FNIP2: variants seen among roughly 807,000 people sequenced by gnomAD.
The protein encoded by FNIP2 is folliculin-interacting protein 2.
Under a neutral mutation model 108.7 loss-of-function variants are expected in FNIP2, and 32 were observed. That is an observed-to-expected ratio of 0.29 (90% CI 0.22 to 0.40). FNIP2 has a LOEUF of 0.40. FNIP2 is among the 10% of genes least tolerant of loss of function. The probability of loss-of-function intolerance (pLI) is 1.00; values close to 1 mark genes in which losing one functional copy is unlikely to be tolerated. For missense variants in FNIP2, 1,202 were observed against 1,381.6 expected, an observed-to-expected ratio of 0.87 and a Z score of 2.06; for synonymous variants, 480 against 496.7, an observed-to-expected ratio of 0.97 and a Z score of 0.45.
chr4:158,770,947 C>T (rs1578806589), intron 1 of FNIP2, among the ~76,000 whole-genome samples: 1 of 152,246 alleles, frequency 6.6e-6, no homozygotes, highest in African/African-American at 2.4e-5. Flanking sequence ...ACCACCATTT[C>T]CGCTATCCAC....
In FNIP2 at chr4:158,827,829, C is replaced by T. The variant is rs556874466; in HGVS notation, c.235-1250C>T. On this transcript the variant is annotated intron_variant, in intron 2 of 16. Transcript: ENST00000264433. ...TTCTTTTCCCATTTTCAGTCCCCACCGCCCCAGCCTCCCTTGGCAAGCACA... is the reference window on the plus strand; with the variant it reads ...TTCTTTTCCCATTTTCAGTCCCCACTGCCCCAGCCTCCCTTGGCAAGCACA... Among the ~76,000 whole-genome samples, 6 of 152,208 alleles carry T rather than the reference C, an allele frequency of 3.9e-5. No individual in the cohort carries two copies. In the South Asian group the frequency reaches 8.3e-4, roughly 21 times the overall value.
chr4:158,796,930 G>A (rs1047789885), intron 1 of FNIP2, among the ~76,000 whole-genome samples: 3 of 152,068 alleles, frequency 2.0e-5, no homozygotes, highest in South Asian at 2.1e-4. Flanking sequence ...GTGACTACGC[G>A]CTGGTGGCTG....
chr4:158,885,633 T>C (rs1012673190), intron 14 of FNIP2, among the ~76,000 whole-genome samples: 2 of 152,156 alleles, frequency 1.3e-5, no homozygotes, highest in African/African-American at 4.8e-5. Flanking sequence ...ACCTAATGTG[T>C]TGGGTTCTAT....
At chr4:158,807,934 ACTAT>A (rs557288499) in intron 1 of FNIP2, among the ~76,000 whole-genome samples, 33 of 152,320 alleles carry the variant, frequency 2.2e-4, no homozygotes, top group African/African-American at 7.7e-4. Flanking sequence ...TCACTTTTAT[ACTAT>A]CTGTTTTTAT....
At position 158,826,016 on chromosome 4, in the gene FNIP2, C is replaced by A; in HGVS notation, c.208C>A (p.Gln70Lys). The change falls in exon 2 of 17, where the codon CAA becomes AAA. Residue 70 changes from glutamine (Q) to lysine (K), a missense_variant. Gln to Lys is a moderately conservative substitution (Grantham distance 53). Coordinates refer to ENST00000264433, the MANE Select transcript of FNIP2 (RefSeq NM_020840.3). ...AGTCTTGTTTGACTCTAAAGCTGTT[C>A]AAAAGATTGAGGAGGTGACAGCTCA... ...RQVLFDSKAV[Q>K]KIEEVTAQKT... 3 of 1,608,050 alleles carry A rather than the reference C, an allele frequency of 1.9e-6. No individual in the cohort carries two copies. The South Asian group carries it at 3.3e-5, about 18-fold the overall frequency.
At chr4:158,834,386 G>T (rs1778679045) in intron 6 of FNIP2, 1 of 128,070 alleles carries the variant, frequency 7.8e-6, no homozygotes, top group African/African-American at 3.0e-5. Context: ...TAGTCATCTT[G>T]GTGTCTCTGA....
intron 1 of FNIP2, among the ~76,000 whole-genome samples, chr4:158,785,087 C>CTTT (rs397805773): frequency 5.7e-5 from 7 of 123,176 alleles, no homozygotes; most frequent in South Asian, 2.6e-4. Flanking sequence ...TAAAGTTCCT[C>CTTT]TTTTTTTTTT....
Position 158,907,135 on chromosome 4 carries a change from T to C in FNIP2, c.*2591T>C, listed in dbSNP as rs1207966096. 1 of 152,234 alleles carries C rather than the reference T, an allele frequency of 6.6e-6. No individual in the cohort carries two copies. The highest frequency in any genetic ancestry group is 2.4e-5 in the African/African-American group (1 of 41,460). The allele number at this position is 152,234 out of a possible 1,614,324, so 9.4% of individuals were successfully genotyped here. On this transcript the variant is annotated 3_prime_UTR_variant, in exon 17 of 17. Transcript: ENST00000264433. ...CCCTGTGATGGACCTCTTTCTAGCA[T>C]GTTGCAGTTTTATTTTTAATAAATT...
At chr4:158,834,549 C>T (rs1778690750) in intron 6 of FNIP2, 1 of 152,124 alleles carries the variant, frequency 6.6e-6, no homozygotes, top group South Asian at 2.1e-4. Flanking sequence ...ATAAAATTGA[C>T]ACGCTCCTAC....
In FNIP2 at chr4:158,796,597, A is replaced by G. The variant is rs1404335325; in HGVS notation, c.107+27278A>G. On this transcript the variant is annotated intron_variant, in intron 1 of 16. Transcript: ENST00000264433. ...ATTTATCTTGGCTTCATGTTGTATA[A>G]ATACAGTGCAATCATCTATGAGTTT... Among the ~76,000 whole-genome samples the G allele has an allele frequency of 3.9e-5, 6 of 152,266 alleles. No homozygotes were observed. In the East Asian group the frequency reaches 9.7e-4, roughly 25 times the overall value.
chr4:158,834,004 C>A, intron 6 of FNIP2: 2 of 615,678 alleles, frequency 3.2e-6, no homozygotes, highest in Non-Finnish European at 4.7e-6. Context: ...CTCTTGTGAT[C>A]ACAGATATTG....
In FNIP2 at chr4:158,827,593, C is replaced by G. The variant is rs565789482; in HGVS notation, c.235-1486C>G. Among the ~76,000 whole-genome samples, 42 of 152,252 alleles carry G rather than the reference C, an allele frequency of 2.8e-4. 2 individuals carry two copies. Among genetic ancestry groups the G allele is most frequent in the Admixed American group, 2.0e-3 (30 of 15,294 alleles). ...TAGACTGTTCAGCATTGTACTCCAGCCAAAGGGTCTAGCAGTCTGAAGCAG... is the reference window on the plus strand; with the variant it reads ...TAGACTGTTCAGCATTGTACTCCAGGCAAAGGGTCTAGCAGTCTGAAGCAG... On this transcript the variant is annotated intron_variant, in intron 2 of 16. Transcript: ENST00000264433.
chr4:158,776,779 A>T (rs528994469), intron 1 of FNIP2, among the ~76,000 whole-genome samples: 93 of 152,322 alleles, frequency 6.1e-4, no homozygotes, highest in Non-Finnish European at 1.0e-4. Context: ...TTGGCGTTTA[A>T]TAAATACCTG....
chr4:158,868,421 G>A lies in FNIP2; in HGVS notation c.1785G>A (p.Pro595=), dbSNP rs143166945. The A allele has an allele frequency of 1.3e-5, 21 of 1,614,010 alleles. No individual in the cohort carries two copies. Among genetic ancestry groups the A allele is most frequent in the African/African-American group, 1.2e-4 (9 of 75,052 alleles). ...CAGCAGAGAGACACAACCCCTGGCC[G>A]ACAGGGTTTCCTGAGTGCCCAGAGG... ...PTAAERHNPW[P]TGFPECPEGT... Residue 595 remains proline, a synonymous_variant, in exon 13 of 17, where the codon CCG becomes CCA. Coordinates refer to ENST00000264433, the MANE Select transcript of FNIP2 (RefSeq NM_020840.3). This position sits in a 1 kb window ranked among gnomAD's most constrained non-coding sequence, Gnocchi z 4.6.
intron 1 of FNIP2, among the ~76,000 whole-genome samples, 194 bp downstream of exon 1, chr4:158,769,513 C>A (rs1054250590): frequency 6.6e-6 from 1 of 152,134 alleles, no homozygotes; most frequent in Non-Finnish European, 1.5e-5. Context: ...GACCCTTCCT[C>A]CCGCTCTTTC....
chr4:158,838,230 T>C (rs1778917669), intron 7 of FNIP2, among the ~76,000 whole-genome samples: 1 of 19,442 alleles, frequency 5.1e-5, no homozygotes, highest in South Asian at 3.3e-3. Flanking sequence ...TTAGGCCTGC[T>C]TTTTTTTTTT....
At chr4:158,850,799 C>T (rs970469448) in intron 7 of FNIP2, among the ~76,000 whole-genome samples, 1 of 151,360 alleles carries the variant, frequency 6.6e-6, no homozygotes, top group African/African-American at 2.4e-5. Flanking sequence ...GCATTAGTTA[C>T]CTGGTGGCAA....
At chr4:158,831,768 C>T (rs928822181) in intron 3 of FNIP2, 93 bp from the exon 4 acceptor site, 15 of 786,968 alleles carry the variant, frequency 1.9e-5, no homozygotes, top group Non-Finnish European at 2.1e-5. Flanking sequence ...TTTTAATCAC[C>T]GATGACACTA....
At chr4:158,872,306 T>C in intron 14 of FNIP2, 2 of 985,458 alleles carry the variant, frequency 2.0e-6, no homozygotes, top group Non-Finnish European at 2.4e-6. Flanking sequence ...AAGTTCTCAT[T>C]TTTGTGTGTT....
Sources: allele counts gnomAD v4.1 joint callset (sites outside exome capture counted in the v4.1 genomes callset), GRCh38; gene constraint gnomAD v4.1.1; non-coding constraint Gnocchi (gnomAD v3.1); transcripts MANE v1.5; gene names NCBI Gene and HGNC (gene_info 2026-07-23, HGNC 2026-07-21).